DPY19L2: variants seen among roughly 807,000 people sequenced by gnomAD.
DPY19L2 encodes dpy-19 like 2, also known as probable C-mannosyltransferase DPY19L2.
DPY19L2 carries 34 observed loss-of-function variants against 97.9 expected under a neutral mutation model. The ratio of observed to expected loss-of-function variants is 0.35; its 90% CI spans 0.26 to 0.46. The LOEUF (loss-of-function observed/expected upper bound fraction) is 0.46. DPY19L2 is among the 20% of genes least tolerant of loss of function. The pLI is 1.00. For missense variants in DPY19L2, 623 were observed against 911.4 expected (o/e 0.68, Z 4.07); for synonymous variants, 230 against 307.9 (o/e 0.75, Z 2.65).
At chr12:63,638,581 C>G (rs916246778) in intron 6 of DPY19L2, among the ~76,000 whole-genome samples, 6 of 152,034 alleles carry the variant, frequency 3.9e-5, no homozygotes, top group Admixed American at 3.9e-4. Context: ...AACAGAGAGC[C>G]AAATCATGAG....
At chr12:63,577,582 C>CTCTGTAGG (rs1459014892) in intron 19 of DPY19L2, among the ~76,000 whole-genome samples, 46 of 149,646 alleles carry the variant, frequency 3.1e-4, no homozygotes, top group African/African-American at 1.1e-3. Context: ...GCTCAAACAA[C>CTCTGTAGG]AAATCTAAAA....
chr12:63,641,186 G>A (rs1247735772), intron 6 of DPY19L2, among the ~76,000 whole-genome samples: 1 of 152,088 alleles, frequency 6.6e-6, no homozygotes, highest in Non-Finnish European at 1.5e-5. Context: ...TTACAGGAGT[G>A]AGCCACTGCT....
chr12:63,624,020 G>A lies in DPY19L2; in HGVS notation c.953+20C>T, dbSNP rs192726930. 3.9e-4 allele frequency: 603 copies of A among 1,563,208 alleles called. 3 individuals are homozygous for A. The highest frequency in any genetic ancestry group is 2.6e-3 in the South Asian group (229 of 89,368). On this transcript the variant is annotated intron_variant, in intron 8 of 21. Coordinates refer to ENST00000324472, the MANE Select transcript of DPY19L2 (RefSeq NM_173812.5). ...CTTAAATTATAATTTATTTGCCTTCGTTTTATAAATCGAAGTTACCTGAGA... is the reference window on the plus strand; with the variant it reads ...CTTAAATTATAATTTATTTGCCTTCATTTTATAAATCGAAGTTACCTGAGA...
chr12:63,647,435 T>C (rs1893569723), intron 4 of DPY19L2, 70 bp from the exon 5 acceptor site: 2 of 682,144 alleles, frequency 2.9e-6, no homozygotes, highest in Non-Finnish European at 4.4e-6. Context: ...ATAATAATAA[T>C]ATATACCATG....
intron 4 of DPY19L2, among the ~76,000 whole-genome samples, chr12:63,655,545 G>T (rs562138111): frequency 6.6e-6 from 1 of 152,226 alleles, no homozygotes; most frequent in Admixed American, 6.5e-5. Context: ...GAGAGTGAAA[G>T]GGGGACAGGA....
intron 16 of DPY19L2, chr12:63,591,110 T>C (rs1305080050): frequency 8.8e-6 from 4 of 455,860 alleles, no homozygotes; most frequent in East Asian, 1.4e-4. Flanking sequence ...AAGACACATT[T>C]CCCTGTGCTC....
At position 63,666,675 on chromosome 12, in the gene DPY19L2, C is replaced by A. The variant is rs554739560; in HGVS notation, c.338-816G>T. On this transcript the variant is annotated intron_variant, in intron 1 of 21. Transcript: ENST00000324472. Reference sequence around the variant, plus strand: ...TTAATGTCCTTTAGATTGTTGTAAACCTTTGGTTAATTTCCAAAGTTTTGA... The same window carrying A: ...TTAATGTCCTTTAGATTGTTGTAAAACTTTGGTTAATTTCCAAAGTTTTGA... 8 of 175,430 alleles carry A rather than the reference C, an allele frequency of 4.6e-5. No individual in the cohort carries two copies. The South Asian group carries it at 8.7e-4, about 19-fold the overall frequency. The allele number at this position is 175,430 out of a possible 1,614,324, so 10.9% of individuals were successfully genotyped here.
At chr12:63,644,534 T>C (rs377555997) in intron 5 of DPY19L2, 38 bp from the exon 6 acceptor site, 8 of 1,594,548 alleles carry the variant, frequency 5.0e-6, no homozygotes, top group Non-Finnish European at 5.1e-6. Flanking sequence ...TTAATGAATA[T>C]ATGACTCTAA....
At chr12:63,631,488 T>C (rs7131906) in intron 6 of DPY19L2, among the ~76,000 whole-genome samples, 41,915 of 151,344 alleles carry the variant, frequency 0.28, 6,432 homozygotes, top group African/African-American at 0.42. Flanking sequence ...TTCCTGGAAA[T>C]ATACACCCTC....
intron 4 of DPY19L2, among the ~76,000 whole-genome samples, chr12:63,652,194 T>A (rs1397366042): frequency 1.3e-5 from 2 of 152,136 alleles, no homozygotes; most frequent in African/African-American, 4.8e-5. Context: ...GTGTTCAACA[T>A]CACTGATCAT....
chr12:63,631,019 C>A (rs1444636215), intron 6 of DPY19L2, among the ~76,000 whole-genome samples: 2 of 151,988 alleles, frequency 1.3e-5, no homozygotes, highest in Non-Finnish European at 2.9e-5. Context: ...TTGAAACCAA[C>A]GAGAACAAAG....
At chr12:63,584,871 C>T (rs1166064922) in intron 16 of DPY19L2, among the ~76,000 whole-genome samples, 3 of 152,200 alleles carry the variant, frequency 2.0e-5, no homozygotes, top group Non-Finnish European at 4.4e-5. Context: ...AAGAACAAAT[C>T]TACCCATGAA....
intron 6 of DPY19L2, among the ~76,000 whole-genome samples, chr12:63,630,319 C>T (rs1890369386): frequency 6.6e-6 from 1 of 152,020 alleles, no homozygotes; most frequent in Admixed American, 6.6e-5. Flanking sequence ...ATTCAGGAAA[C>T]CCATCTCACA....
intron 12 of DPY19L2, among the ~76,000 whole-genome samples, chr12:63,600,611 CTTTTTTTTT>C (rs71434019): frequency 9.0e-6 from 1 of 110,594 alleles, no homozygotes; most frequent in East Asian, 2.7e-4. Context: ...TATCCTAAAT[CTTTTTTTTT>C]TTTTTTTTTT....
chr12:63,586,609 T>C (rs749598087), intron 16 of DPY19L2, among the ~76,000 whole-genome samples: 3 of 152,188 alleles, frequency 2.0e-5, no homozygotes, highest in East Asian at 3.9e-4. Context: ...TACCTTCTTA[T>C]TGGTTTCCTC....
chr12:63,580,772 A>C lies in DPY19L2; in HGVS notation c.1790T>G (p.Met597Arg). 1 of 1,613,652 alleles carries C rather than the reference A, an allele frequency of 6.2e-7. No homozygotes were observed. Among genetic ancestry groups the C allele is most frequent in the Non-Finnish European group, 8.5e-7 (1 of 1,179,690 alleles). The change falls in exon 19 of 22, where the codon ATG becomes AGG. Residue 597 changes from methionine (M) to arginine (R), a missense_variant. Transcript: ENST00000324472. Reference protein sequence around the residue: ...EKVIFGILTVMSIQGYANLRN... With the variant: ...EKVIFGILTVRSIQGYANLRN... ...GAGGTTTGCATAACCTTGTATTGACATCACTGTTAAAATGCCAAAGATAAC... is the reference window on the plus strand; with the variant it reads ...GAGGTTTGCATAACCTTGTATTGACCTCACTGTTAAAATGCCAAAGATAAC...
Position 63,668,130 on chromosome 12 carries a change from G to A in DPY19L2, c.264C>T (p.Ser88=). The A allele has an allele frequency of 1.9e-6, 3 of 1,614,010 alleles. No individual in the cohort carries two copies. The highest frequency in any genetic ancestry group is 2.5e-6 in the Non-Finnish European group (3 of 1,179,984). Residue 88 remains serine (S), a synonymous_variant, in exon 1 of 22, where the codon TCC becomes TCT. Transcript: ENST00000324472. ...GCACCTTTTCCCGGAGCTGCGCCAGGGAATTACGGACGAACTGGAAGGGGC... is the reference window on the plus strand; with the variant it reads ...GCACCTTTTCCCGGAGCTGCGCCAGAGAATTACGGACGAACTGGAAGGGGC... ...LLGPFQFVRN[S]LAQLREKVQE... is the part of the protein sequence containing the mutation.
intron 20 of DPY19L2, 103 bp downstream of exon 20, chr12:63,570,652 TGTG>T: frequency 2.4e-6 from 1 of 410,154 alleles, no homozygotes; most frequent in Non-Finnish European, 3.5e-6. Flanking sequence ...TGAGTTTGTG[TGTG>T]TGTGTGTGTG....
chr12:63,645,188 T>C (rs1592713132), intron 5 of DPY19L2, among the ~76,000 whole-genome samples: 2 of 152,290 alleles, frequency 1.3e-5, no homozygotes, highest in Non-Finnish European at 2.9e-5. Context: ...TTTCTTATGG[T>C]TGAGAAAACA....
Sources: allele counts gnomAD v4.1 joint callset (sites outside exome capture counted in the v4.1 genomes callset), GRCh38; gene constraint gnomAD v4.1.1; transcripts MANE v1.5; gene names NCBI Gene and HGNC (gene_info 2026-07-23, HGNC 2026-07-21).